The following KANSL3 variants were observed in gnomAD, a reference collection of about 807,000 sequenced individuals.
The protein encoded by KANSL3 is KAT8 regulatory NSL complex subunit 3, also known as NSL complex protein NSL3.
In KANSL3, 16 loss-of-function variants were observed where a neutral mutation model predicts 89.2. The observed-to-expected ratio is 0.18, with a 90% CI of 0.12 to 0.27. KANSL3 has a LOEUF of 0.27. KANSL3 is among the 10% of genes least tolerant of loss of function. The pLI is 1.00. For missense variants in KANSL3, 879 were observed against 1,110.6 expected (o/e 0.79, Z 2.96); for synonymous variants, 385 against 419.7 (o/e 0.92, Z 1.01).
Position 96,598,858 on chromosome 2 carries a change from T to C in KANSL3, c.2616+2785A>G, listed in dbSNP as rs530882861. ...TTGGCAGGCAGAGGTTGCAGTGAGCTGAGATCGTGCCACTGCACTCCAGCC... is the reference window on the plus strand; with the variant it reads ...TTGGCAGGCAGAGGTTGCAGTGAGCCGAGATCGTGCCACTGCACTCCAGCC... On this transcript the variant is annotated intron_variant, in intron 20 of 20. Transcript: ENST00000431828. 1.3e-4 allele frequency among the ~76,000 whole-genome samples: 17 copies of C among 128,382 alleles called. 1 individual carries two copies. In the South Asian group the frequency reaches 3.9e-3, roughly 29 times the overall value. 84.2% of individuals were successfully genotyped at this position (128,382 alleles called of 152,430 possible). A position where few individuals can be genotyped will look rare whatever the true frequency, so the allele number is the denominator to read the frequency against.
intron 14 of KANSL3, chr2:96,606,885 C>T (rs773982367): frequency 1.0e-5 from 7 of 692,862 alleles, no homozygotes; most frequent in Non-Finnish European, 1.5e-5. Flanking sequence ...CAAACTGAGG[C>T]AGATGAGAGG....
At chr2:96,600,624 T>C (rs1001723257) in intron 20 of KANSL3, 10 of 985,308 alleles carry the variant, frequency 1.0e-5, no homozygotes, top group African/African-American at 1.7e-5. Flanking sequence ...CTTGGCTGTA[T>C]AGCGGATACT....
intron 5 of KANSL3, among the ~76,000 whole-genome samples, chr2:96,613,962 G>C (rs2069478111): frequency 2.6e-5 from 4 of 152,136 alleles, no homozygotes; most frequent in Admixed American, 2.6e-4. Flanking sequence ...GGACAATTAT[G>C]CACAGAGACA....
intron 17 of KANSL3, 55 bp downstream of exon 17, chr2:96,604,195 A>G (rs1004682255): frequency 1.6e-5 from 24 of 1,534,244 alleles, no homozygotes; most frequent in Middle Eastern, 1.8e-4. Context: ...ACCACCCAGA[A>G]GCAGCAGACC....
chr2:96,588,652 G>C (rs1186811989), downstream of KANSL3, among the ~76,000 whole-genome samples: 3 of 152,000 alleles, frequency 2.0e-5, no homozygotes, highest in Admixed American at 1.3e-4. Context: ...GTACAGTGGT[G>C]CAATCTCGGC....
chr2:96,635,005 A>G (rs1252841855), intron 2 of KANSL3, among the ~76,000 whole-genome samples: 1 of 152,152 alleles, frequency 6.6e-6, no homozygotes, highest in Non-Finnish European at 1.5e-5. Flanking sequence ...CACTCTACCT[A>G]TGAAATACAT....
intron 14 of KANSL3, chr2:96,605,907 G>C (rs2067912892): frequency 6.3e-6 from 1 of 158,798 alleles, no homozygotes; most frequent in Non-Finnish European, 1.4e-5. Flanking sequence ...CAAAAAATGT[G>C]ATCATCTTCC....
Position 96,619,493 on chromosome 2 carries a change from T to G in KANSL3, c.529A>C (p.Arg177=), listed in dbSNP as rs1429493145. 1.2e-6 allele frequency: 2 copies of G among 1,613,918 alleles called. No homozygotes were observed. The highest frequency in any genetic ancestry group is 1.7e-5 in the Admixed American group (1 of 60,010). The change falls in exon 5 of 21, where the codon AGA becomes CGA. Residue 177 remains arginine, a synonymous_variant. Coordinates refer to ENST00000431828, the MANE Select transcript of KANSL3 (RefSeq NM_001115016.3). ...ACACTTGCCAGAGCCTGCCGCACTCTCCTTGCACACTTGTCCACAGCAACA... is the reference window on the plus strand; with the variant it reads ...ACACTTGCCAGAGCCTGCCGCACTCGCCTTGCACACTTGTCCACAGCAACA... ...RRVAVDKCAR[R]VRQALASVSW...
Position 96,608,885 on chromosome 2 carries a change from G to T in KANSL3, c.1563C>A (p.Pro521=), listed in dbSNP as rs189536262. 1 of 1,579,478 alleles carries T rather than the reference G, an allele frequency of 6.3e-7. No homozygotes were observed. The highest frequency in any genetic ancestry group is 8.6e-7 in the Non-Finnish European group (1 of 1,162,734). Residue 521 remains proline (P), a synonymous_variant, in exon 13 of 21, where the codon CCC becomes CCA. Transcript: ENST00000431828. ...CTACCTCTGAGCCTGAGGGTGAGGC[G>T]GGCAGCTTGGCAGCTGGGGAGGCAG... is the stretch of plus-strand genomic sequence containing the variant. The part of the protein sequence containing the change: ...SRPASPAAKL[P]ASPSGSEDLS...
chr2:96,609,163 T>A, intron 12 of KANSL3, 99 bp from the exon 13 acceptor site: 1 of 1,103,752 alleles, frequency 9.1e-7, no homozygotes, highest in Non-Finnish European at 1.3e-6. Flanking sequence ...CCCTCAGCTC[T>A]GGCATCCGCA....
At chr2:96,619,849 T>G (rs2070916949) in intron 3 of KANSL3, 87 bp from the exon 4 acceptor site, 2 of 1,065,022 alleles carry the variant, frequency 1.9e-6, no homozygotes, top group Non-Finnish European at 2.8e-6. Flanking sequence ...TATGCCATAG[T>G]TTTATGTCTC....
intron 14 of KANSL3, among the ~76,000 whole-genome samples, chr2:96,607,403 A>G (rs1411002788): frequency 6.6e-6 from 1 of 152,096 alleles, no homozygotes. Flanking sequence ...GACACCCTAG[A>G]TCCCCATTTC....
chr2:96,615,396 T>C (rs981628017), intron 5 of KANSL3: 1 of 539,814 alleles, frequency 1.9e-6, no homozygotes, highest in African/African-American at 2.0e-5. Flanking sequence ...CTATACTATA[T>C]ACAGTGTACT....
rs117729999 is a variant in KANSL3, at chr2:96,601,247, G to A, written c.2616+396C>T. On this transcript the variant is annotated intron_variant, in intron 20 of 20. Transcript: ENST00000431828. Reference sequence around the variant, plus strand: ...CACACCCCTGCACTCCAGCTTGGGCGATAGAGCAAGACTCCATCTCAAAAA... The same window carrying A: ...CACACCCCTGCACTCCAGCTTGGGCAATAGAGCAAGACTCCATCTCAAAAA... The A allele has an allele frequency of 1.3e-5, 12 of 909,512 alleles. No homozygotes were observed. In the East Asian group the frequency reaches 3.6e-4, roughly 27 times the overall value. The allele number at this position is 909,512 out of a possible 1,614,324, so 56.3% of individuals were successfully genotyped here.
chr2:96,601,229 C>T, intron 20 of KANSL3: 1 of 794,294 alleles, frequency 1.3e-6, no homozygotes, highest in Non-Finnish European at 1.5e-6. Flanking sequence ...GATCACACCC[C>T]TGCACTCCAG....
At chr2:96,587,827 A>T in the KANSL3 span, among the ~76,000 whole-genome samples, 1 of 152,246 alleles carries the variant, frequency 6.6e-6, no homozygotes, top group Non-Finnish European at 1.5e-5. Context: ...AGACATAAAG[A>T]ACAAAACAAA....
chr2:96,629,330 T>C (rs1440620264), intron 3 of KANSL3, among the ~76,000 whole-genome samples: 3 of 152,232 alleles, frequency 2.0e-5, no homozygotes, highest in African/African-American at 7.2e-5. Context: ...GAGCTTTTTT[T>C]TCTTTTTTTG....
chr2:96,636,775 C>A, intron 2 of KANSL3, 146 bp downstream of exon 2: 2 of 667,820 alleles, frequency 3.0e-6, no homozygotes, highest in Non-Finnish European at 4.9e-6. Context: ...AGCCTGCTAT[C>A]CTTATGCTGC....
At chr2:96,629,996 AT>A (rs1355683764) in intron 3 of KANSL3, among the ~76,000 whole-genome samples, 3 of 152,174 alleles carry the variant, frequency 2.0e-5, no homozygotes, top group Non-Finnish European at 2.9e-5. Context: ...AATGGTTATA[AT>A]TTTTTTAAAA....
Sources: allele counts gnomAD v4.1 joint callset (sites outside exome capture counted in the v4.1 genomes callset), GRCh38; gene constraint gnomAD v4.1.1; transcripts MANE v1.5; gene names NCBI Gene and HGNC (gene_info 2026-07-23, HGNC 2026-07-21).